CAST: variants seen among roughly 807,000 people sequenced by gnomAD.
CAST encodes the protein MIR583 host.
Under a neutral mutation model 119.6 loss-of-function variants are expected in CAST, and 76 were observed. The ratio of observed to expected loss-of-function variants is 0.64; its 90% CI spans 0.53 to 0.77. The LOEUF is 0.77. Ranked by LOEUF, CAST falls within the 30% of genes least tolerant of loss-of-function variation. The probability of loss-of-function intolerance (pLI) is 0.00; values close to 1 mark genes in which losing one functional copy is unlikely to be tolerated. For missense variants in CAST, 953 were observed against 946.5 expected (o/e 1.01, Z -0.09); for synonymous variants, 319 against 331.6 (o/e 0.96, Z 0.41).
rs921946964 is a variant in CAST at position 96,721,442 on chromosome 5, T to A, written c.211-1197T>A. On this transcript the variant is annotated intron_variant, in intron 3 of 31. Transcript: ENST00000675179. ...TTCATACAATCACCTTGAGTGGTAG[T>A]GTATTGGGGGTGGGGGAAGGTAAGG... 4.0e-5 allele frequency among the ~76,000 whole-genome samples: 6 copies of A among 151,776 alleles called. No individual in the cohort carries two copies. In the South Asian group the frequency reaches 8.3e-4, roughly 21 times the overall value.
chr5:96,425,508 C>T, the CAST span, among the ~76,000 whole-genome samples: 2 of 152,122 alleles, frequency 1.3e-5, no homozygotes, highest in South Asian at 4.1e-4. Flanking sequence ...AGATTTTTGC[C>T]ACAAGTACTG....
the CAST span, among the ~76,000 whole-genome samples, chr5:96,181,178 T>C: frequency 1.3e-5 from 2 of 152,228 alleles, no homozygotes; most frequent in Non-Finnish European, 2.9e-5. Context: ...CTCCATTCCC[T>C]GATAGAATGA....
At chr5:96,325,641 G>A in the CAST span, among the ~76,000 whole-genome samples, 4 of 151,770 alleles carry the variant, frequency 2.6e-5, no homozygotes, top group Non-Finnish European at 4.4e-5. Context: ...TACCACGTCC[G>A]GCTAAGTTTT....
chr5:96,274,642 C>A, the CAST span, among the ~76,000 whole-genome samples: 2 of 152,156 alleles, frequency 1.3e-5, no homozygotes, highest in African/African-American at 4.8e-5. Flanking sequence ...CATTACATCC[C>A]AGAGATGACG....
chr5:95,963,551 T>C, the CAST span, among the ~76,000 whole-genome samples: 1 of 152,164 alleles, frequency 6.6e-6, no homozygotes, highest in Admixed American at 6.5e-5. Context: ...GTAGTAGAGA[T>C]ATTAAGGTAA....
At chr5:96,711,573 G>A (rs1169039271) in intron 3 of CAST, among the ~76,000 whole-genome samples, 2 of 152,160 alleles carry the variant, frequency 1.3e-5, no homozygotes, top group African/African-American at 4.8e-5. Context: ...AGGAGGTATT[G>A]ACAGTTTTAT....
At chr5:96,071,993 G>T in the CAST span, among the ~76,000 whole-genome samples, 1 of 152,056 alleles carries the variant, frequency 6.6e-6, no homozygotes, top group Non-Finnish European at 1.5e-5. Context: ...CCAATGAAAG[G>T]TTTTAATGCA....
the CAST span, among the ~76,000 whole-genome samples, chr5:95,974,345 C>A: frequency 1.3e-5 from 2 of 152,168 alleles, no homozygotes; most frequent in African/African-American, 2.4e-5. Context: ...ATTTCTAGTG[C>A]CTCAGCAACT....
the CAST span, among the ~76,000 whole-genome samples, chr5:96,179,254 A>G: frequency 6.6e-6 from 1 of 152,108 alleles, no homozygotes; most frequent in African/African-American, 2.4e-5. Flanking sequence ...ATAAAATCAA[A>G]ACTCCCTTAA....
chr5:95,989,097 A>G, the CAST span, among the ~76,000 whole-genome samples: 22 of 152,202 alleles, frequency 1.4e-4, no homozygotes, highest in African/African-American at 5.1e-4. Flanking sequence ...GGGAAGTGTC[A>G]AAGTCTAAAA....
At chr5:96,455,739 C>T in the CAST span, among the ~76,000 whole-genome samples, 1 of 152,222 alleles carries the variant, frequency 6.6e-6, no homozygotes, top group African/African-American at 2.4e-5. Flanking sequence ...CTCACAGAGG[C>T]CTCCGTTGAG....
At chr5:96,266,257 A>G in the CAST span, among the ~76,000 whole-genome samples, 1 of 152,168 alleles carries the variant, frequency 6.6e-6, no homozygotes, top group African/African-American at 2.4e-5. Context: ...AGAGTGATTA[A>G]AAATTTCCCC....
intron 22 of CAST, among the ~76,000 whole-genome samples, chr5:96,757,195 T>C (rs1023076441): frequency 5.3e-5 from 8 of 152,136 alleles, no homozygotes; most frequent in Non-Finnish European, 1.2e-4. Context: ...GCTTCTGAGG[T>C]CACAAGCCAT....
At chr5:96,135,448 TTAAG>T in the CAST span, among the ~76,000 whole-genome samples, 25 of 152,292 alleles carry the variant, frequency 1.6e-4, no homozygotes, top group Admixed American at 1.2e-3. Context: ...AGGTTTTAGC[TTAAG>T]TAATTGGATG....
intron 2 of CAST, among the ~76,000 whole-genome samples, chr5:96,688,095 T>C (rs953432635): frequency 6.6e-6 from 1 of 152,348 alleles, no homozygotes; most frequent in East Asian, 1.9e-4. Flanking sequence ...TGGTACAGTG[T>C]TAAAAAATTA....
At chr5:96,307,344 T>C in the CAST span, among the ~76,000 whole-genome samples, 1 of 152,192 alleles carries the variant, frequency 6.6e-6, no homozygotes, top group South Asian at 2.1e-4. Flanking sequence ...CCTATGTGTG[T>C]CTTTGCACAT....
intron 2 of CAST, among the ~76,000 whole-genome samples, chr5:96,682,200 G>T (rs751853271): frequency 1.3e-5 from 2 of 152,184 alleles, no homozygotes; most frequent in African/African-American, 4.8e-5. Flanking sequence ...AGAGACTACT[G>T]TAATTCTGAC....
At chr5:96,130,293 T>G in the CAST span, among the ~76,000 whole-genome samples, 1 of 151,950 alleles carries the variant, frequency 6.6e-6, no homozygotes, top group Non-Finnish European at 1.5e-5. Context: ...TTTACGGATA[T>G]TCTACAAAAT....
Position 96,774,648 on chromosome 5 carries a change from T to C in CAST, c.*2032T>C, listed in dbSNP as rs1427231636. 3.0e-6 allele frequency: 3 copies of C among 984,760 alleles called. No individual in the cohort carries two copies. The highest frequency in any genetic ancestry group is 3.6e-6 in the Non-Finnish European group (3 of 829,308). 61.0% of individuals were successfully genotyped at this position (984,760 alleles called of 1,614,324 possible). ...TTTCCATGTTTCATTAATCAAGGCATAAAATACAATTAAAGCAAAATATTT... is the reference window on the plus strand; with the variant it reads ...TTTCCATGTTTCATTAATCAAGGCACAAAATACAATTAAAGCAAAATATTT... On this transcript the variant is annotated 3_prime_UTR_variant, in exon 32 of 32. Transcript: ENST00000675179.
Sources: gnomAD v4.1 joint callset for allele counts (sites outside exome capture counted in the v4.1 genomes callset) on GRCh38, gnomAD v4.1.1 for gene constraint, MANE v1.5 for transcripts, NCBI Gene and HGNC (gene_info 2026-07-23, HGNC 2026-07-21) for gene names.